Variants in CNTN5 observed in about 807,000 individuals in gnomAD.
CNTN5 encodes contactin-5.
CNTN5 carries 77 observed loss-of-function variants against 129.1 expected under a neutral mutation model. The observed-to-expected ratio is 0.60, with a 90% confidence interval of 0.50 to 0.72. The LOEUF (loss-of-function observed/expected upper bound fraction) is 0.72. Ranked by LOEUF, CNTN5 falls within the 30% of genes least tolerant of loss-of-function variation. CNTN5 has a pLI of 0.00. For missense variants in CNTN5, 1,478 were observed against 1,328.8 expected (o/e 1.11, Z -1.75); for synonymous variants, 509 against 465.6 (o/e 1.09, Z -1.20).
At chr11:100,088,833 C>G (rs569031998) in intron 13 of CNTN5, among the ~76,000 whole-genome samples, 1 of 152,152 alleles carries the variant, frequency 6.6e-6, no homozygotes, top group South Asian at 2.1e-4. Flanking sequence ...ATCAATTCTA[C>G]TGAAATGATT....
intron 2 of CNTN5, among the ~76,000 whole-genome samples, chr11:99,508,302 C>A (rs1191311355): frequency 6.6e-6 from 1 of 152,038 alleles, no homozygotes; most frequent in African/African-American, 2.4e-5. Flanking sequence ...TAAGCGCCTG[C>A]CTTTCCTTTT....
At chr11:99,430,733 T>C (rs1357004734) in intron 2 of CNTN5, among the ~76,000 whole-genome samples, 1 of 151,514 alleles carries the variant, frequency 6.6e-6, no homozygotes, top group Non-Finnish European at 1.5e-5. Context: ...AAACAAAAGG[T>C]TGGGGGGGCG....
At chr11:99,229,655 T>C (rs1591387558) in intron 1 of CNTN5, among the ~76,000 whole-genome samples, 1 of 151,854 alleles carries the variant, frequency 6.6e-6, no homozygotes, top group Non-Finnish European at 1.5e-5. Context: ...ATTTTAAACA[T>C]TTAGAGGAAA....
At chr11:99,392,005 C>T (rs1045761766) in intron 2 of CNTN5, among the ~76,000 whole-genome samples, 2 of 151,760 alleles carry the variant, frequency 1.3e-5, no homozygotes, top group Admixed American at 1.3e-4. Flanking sequence ...ACTCACAATG[C>T]TGAAATCATT....
chr11:99,219,873 C>A (rs79147631), intron 1 of CNTN5, among the ~76,000 whole-genome samples: 1 of 152,026 alleles, frequency 6.6e-6, no homozygotes, highest in African/African-American at 2.4e-5. Context: ...AAATATCATG[C>A]TTAATTTCTC....
At chr11:100,207,090 CA>C (rs1396229431) in intron 15 of CNTN5, among the ~76,000 whole-genome samples, 1 of 152,002 alleles carries the variant, frequency 6.6e-6, no homozygotes, top group Non-Finnish European at 1.5e-5. Flanking sequence ...TGAATAAGAC[CA>C]GGCCAGTGTC....
chr11:99,580,572 C>A (rs1454612648), intron 3 of CNTN5, among the ~76,000 whole-genome samples: 1 of 151,940 alleles, frequency 6.6e-6, no homozygotes, highest in Non-Finnish European at 1.5e-5. Flanking sequence ...GGTGTATGTG[C>A]CGAGGAATTT....
intron 7 of CNTN5, among the ~76,000 whole-genome samples, chr11:99,924,286 G>T (rs1352392735): frequency 1.3e-5 from 2 of 151,982 alleles, no homozygotes. Flanking sequence ...TGTTGCATTT[G>T]CTTTTGAGAA....
intron 3 of CNTN5, among the ~76,000 whole-genome samples, chr11:99,669,713 G>C (rs1952956819): frequency 6.6e-6 from 1 of 151,960 alleles, no homozygotes; most frequent in Non-Finnish European, 1.5e-5. Context: ...TGGAATATCT[G>C]GTCTCTCTTA....
chr11:99,812,677 C>T (rs947011374), intron 3 of CNTN5, among the ~76,000 whole-genome samples: 1 of 152,088 alleles, frequency 6.6e-6, no homozygotes, highest in African/African-American at 2.4e-5. Flanking sequence ...TGAATTCATG[C>T]CATCTGACTT....
Position 99,665,784 on chromosome 11 carries a change from G to A in CNTN5, c.55+109515G>A, listed in dbSNP as rs548694913. 1.3e-3 allele frequency among the ~76,000 whole-genome samples: 196 copies of A among 152,066 alleles called. 1 individual carries two copies. The highest frequency in any genetic ancestry group is 4.5e-3 in the African/African-American group (186 of 41,484). On this transcript the variant is annotated intron_variant, in intron 3 of 24. Coordinates refer to ENST00000524871, the MANE Select transcript of CNTN5 (RefSeq NM_014361.4). ...TTACAGGTGTGAGCCACCGCGCCTG[G>A]CCTAGAGTACGATGTATCTTGTAAC...
chr11:99,901,941 G>T, intron 6 of CNTN5, among the ~76,000 whole-genome samples: 1 of 152,122 alleles, frequency 6.6e-6, no homozygotes, highest in East Asian at 1.9e-4. Flanking sequence ...TCATTTTGAG[G>T]TAGGTATTGT....
chr11:99,989,944 T>C (rs551814340), intron 8 of CNTN5, among the ~76,000 whole-genome samples: 1 of 152,112 alleles, frequency 6.6e-6, no homozygotes, highest in East Asian at 1.9e-4. Flanking sequence ...TTTTTGTATT[T>C]TTAGTAGAGA....
intron 3 of CNTN5, among the ~76,000 whole-genome samples, chr11:99,702,498 A>G (rs972433516): frequency 6.6e-6 from 1 of 151,010 alleles, no homozygotes; most frequent in Admixed American, 6.6e-5. Flanking sequence ...CACTAGACAT[A>G]GGATTAAAAT....
chr11:99,737,554 T>G (rs1359354913), intron 3 of CNTN5, among the ~76,000 whole-genome samples: 2 of 152,156 alleles, frequency 1.3e-5, no homozygotes, highest in African/African-American at 4.8e-5. Flanking sequence ...GTTTTGCAGT[T>G]TATTAGTTCT....
chr11:99,781,312 G>A (rs1227633099), intron 3 of CNTN5, among the ~76,000 whole-genome samples: 1 of 151,982 alleles, frequency 6.6e-6, no homozygotes, highest in African/African-American at 2.4e-5. Flanking sequence ...GTAACAGATG[G>A]CACTTATATT....
At chr11:99,335,082 T>C (rs1664073526) in intron 2 of CNTN5, among the ~76,000 whole-genome samples, 1 of 152,172 alleles carries the variant, frequency 6.6e-6, no homozygotes, top group African/African-American at 2.4e-5. Context: ...CTAGGCCAAA[T>C]TGGAAAACCT....
chr11:99,024,077 A>AT (rs1863004818), intron 1 of CNTN5, among the ~76,000 whole-genome samples: 2 of 152,198 alleles, frequency 1.3e-5, no homozygotes, highest in Non-Finnish European at 2.9e-5. Flanking sequence ...TTTTCTGAGC[A>AT]TTTGTGATCA....
At chr11:100,064,575 C>T (rs1287376305) in intron 10 of CNTN5, among the ~76,000 whole-genome samples, 1 of 151,960 alleles carries the variant, frequency 6.6e-6, no homozygotes, top group Admixed American at 6.6e-5. Context: ...ATAATTTGAA[C>T]CTTAGCATAA....
Sources: gnomAD v4.1 joint callset for allele counts (sites outside exome capture counted in the v4.1 genomes callset) on GRCh38, gnomAD v4.1.1 for gene constraint, MANE v1.5 for transcripts, NCBI Gene and HGNC (gene_info 2026-07-23, HGNC 2026-07-21) for gene names.